The following CDKN2A variants were observed in gnomAD, a reference collection of about 807,000 sequenced individuals.
CDKN2A encodes cyclin dependent kinase inhibitor 2A.
CDKN2A carries 3 observed loss-of-function variants against 11.1 expected under a neutral mutation model. That is an observed-to-expected ratio of 0.27 (90% CI 0.12 to 0.70). The LOEUF is 0.70. Among genes scored for constraint, CDKN2A ranks in the 30% least tolerant of loss-of-function variants. CDKN2A has a pLI of 0.77. For synonymous variants in CDKN2A, 122 were observed against 108.1 expected (o/e 1.13, Z -0.80); for missense variants, 265 against 233.6 (o/e 1.13, Z -0.88).
Position 21,974,335 on chromosome 9 carries a change from C to T in CDKN2A, c.150+343G>A, listed in dbSNP as rs1372535548. 2 of 1,348,538 alleles carry T rather than the reference C, an allele frequency of 1.5e-6. No individual in the cohort carries two copies. Among genetic ancestry groups the T allele is most frequent in the Non-Finnish European group, 2.0e-6 (2 of 1,013,374 alleles). 83.5% of individuals were successfully genotyped at this position (1,348,538 alleles called of 1,614,324 possible). On this transcript the variant is annotated intron_variant, in intron 1 of 2. Coordinates refer to ENST00000304494, the MANE Select transcript of CDKN2A (RefSeq NM_000077.5). This position sits in a 1 kb window ranked among gnomAD's most constrained non-coding sequence, Gnocchi z 5.2. ...TGGAGGCTAAGTAGTCCCAGCACATCTTACATTTCTTTAAGACTCCCTTTT... is the reference window on the plus strand; with the variant it reads ...TGGAGGCTAAGTAGTCCCAGCACATTTTACATTTCTTTAAGACTCCCTTTT...
chr9:21,979,223 C>T (rs1820115907), upstream of CDKN2A, among the ~76,000 whole-genome samples: 1 of 152,120 alleles, frequency 6.6e-6, no homozygotes, highest in African/African-American at 2.4e-5. Context: ...TAGACTTATT[C>T]CTGAAAACCA....
chr9:21,971,670 C>T (rs921960670), intron 1 of CDKN2A, among the ~76,000 whole-genome samples: 3 of 144,700 alleles, frequency 2.1e-5, no homozygotes, highest in African/African-American at 7.9e-5. Context: ...AAAACAAATT[C>T]TCACAAAACT....
chr9:21,970,573 G>A (rs1819658392), intron 2 of CDKN2A: 10 of 564,182 alleles, frequency 1.8e-5, no homozygotes, highest in South Asian at 1.3e-4. Flanking sequence ...GGAAGAGGGG[G>A]CACTAGACCT....
intron 2 of CDKN2A, chr9:21,993,856 T>A: frequency 8.4e-6 from 4 of 475,982 alleles, no homozygotes; most frequent in African/African-American, 4.0e-5. Context: ...TCTTAGTCAT[T>A]CCCACCCAGG....
chr9:21,968,678 A>G lies in CDKN2A; in HGVS notation c.458-436T>C, dbSNP rs1019387802. ...GAGCCAGCCAGCTTGCGATAACCAA[A>G]GGGCGCCTCAGGCTCTGGCGCTCCT... On this transcript the variant is annotated intron_variant, in intron 2 of 2. Coordinates refer to ENST00000304494, the MANE Select transcript of CDKN2A (RefSeq NM_000077.5). This position sits in a 1 kb window ranked among gnomAD's most constrained non-coding sequence, Gnocchi z 4.7. 4.6e-6 allele frequency: 7 copies of G among 1,535,936 alleles called. No individual in the cohort carries two copies. Among genetic ancestry groups the G allele is most frequent in the Non-Finnish European group, 6.1e-6 (7 of 1,146,776 alleles).
chr9:21,984,699 A>G (rs1161672949), intron 2 of CDKN2A, among the ~76,000 whole-genome samples: 1 of 151,980 alleles, frequency 6.6e-6, no homozygotes, highest in Non-Finnish European at 1.5e-5. Flanking sequence ...TTTCACTGAT[A>G]GGTTTAACAC....
rs779983400 is a variant in CDKN2A, at chr9:21,969,757, CCTT to C, written c.457+1142_457+1144del. 72 of 398,110 alleles carry C rather than the reference CCTT, an allele frequency of 1.8e-4. 1 individual carries two copies. Among genetic ancestry groups the C allele is most frequent in the Non-Finnish European group, 2.8e-4 (64 of 226,016 alleles). The allele number at this position is 398,110 out of a possible 1,614,324, so 24.7% of individuals were successfully genotyped here. On this transcript the variant is annotated intron_variant, in intron 2 of 2. Transcript: ENST00000304494. ...CTAGCTGTAACTGGAGCCGAAGTCTCCTTCTTCACCTCCCGGGACCTGGATGCT... is the reference window on the plus strand; with the variant it reads ...CTAGCTGTAACTGGAGCCGAAGTCTCCTTCACCTCCCGGGACCTGGATGCT...
chr9:21,992,203 A>G, intron 2 of CDKN2A: 6 of 914,210 alleles, frequency 6.6e-6, no homozygotes, highest in Non-Finnish European at 7.8e-6. Context: ...AATTTTTAGC[A>G]CTTGTGCCTC....
upstream of CDKN2A, among the ~76,000 whole-genome samples, chr9:21,975,576 T>G (rs1820003171): frequency 6.6e-6 from 1 of 152,054 alleles, no homozygotes; most frequent in South Asian, 2.1e-4. Flanking sequence ...CCCCTCCCCT[T>G]CCCCTCCTGC....
rs1387974388 is a variant in CDKN2A at position 21,991,657 on chromosome 9, G to A, written c.-4+2225C>T. 1 of 984,372 alleles carries A rather than the reference G, an allele frequency of 1.0e-6. No individual in the cohort carries two copies. The highest frequency in any genetic ancestry group is 6.1e-5 in the Admixed American group (1 of 16,270). The allele number at this position is 984,372 out of a possible 1,614,324, so 61.0% of individuals were successfully genotyped here. A position where few individuals can be genotyped will look rare whatever the true frequency, so the allele number is the denominator to read the frequency against. ...TAACTCTATCATGGTAGTTGATAGT[G>A]ATGAACTAACGTGGAATAATAGATC... On this transcript the variant is annotated intron_variant, in intron 2 of 3. Coordinates refer to the CDKN2A transcript ENST00000494262. The surrounding 1 kb of genome is among the most constrained non-coding windows in gnomAD (Gnocchi z 5.2).
chr9:21,971,932 A>G (rs1457630071), intron 1 of CDKN2A, among the ~76,000 whole-genome samples: 1 of 152,118 alleles, frequency 6.6e-6, no homozygotes, highest in East Asian at 1.9e-4. Context: ...ATGCTATGAA[A>G]CACATCTCAA....
At chr9:21,970,368 T>A (rs538854757) in intron 2 of CDKN2A, 1 of 272,280 alleles carries the variant, frequency 3.7e-6, no homozygotes, top group African/African-American at 2.2e-5. Context: ...TGGAAAACTC[T>A]ACCGCATAAA....
At chr9:21,994,808 G>T in intron 1 of CDKN2A, 1 of 174,068 alleles carries the variant, frequency 5.7e-6, no homozygotes, top group Non-Finnish European at 1.2e-5. Context: ...TCCGTCACCT[G>T]ACACGGCCCT....
upstream of CDKN2A, among the ~76,000 whole-genome samples, chr9:21,978,339 AAAG>A (rs1424748243): frequency 6.6e-6 from 1 of 152,120 alleles, no homozygotes; most frequent in African/African-American, 2.4e-5. Context: ...TTTTTCTGTT[AAAG>A]AGCCCATTAT....
At chr9:21,976,969 T>G (rs1239481439), upstream of CDKN2A, among the ~76,000 whole-genome samples, 3 of 152,266 alleles carry the variant, frequency 2.0e-5, no homozygotes, top group African/African-American at 7.2e-5. Flanking sequence ...ATGCTTAATC[T>G]GCCTACTGGA....
At chr9:21,978,688 T>A (rs1476641321), upstream of CDKN2A, among the ~76,000 whole-genome samples, 1 of 152,226 alleles carries the variant, frequency 6.6e-6, no homozygotes, top group Non-Finnish European at 1.5e-5. Flanking sequence ...AATTTAAACC[T>A]GTCTTAATTC....
intron 2 of CDKN2A, among the ~76,000 whole-genome samples, chr9:21,986,154 A>G (rs1820292728): frequency 6.6e-6 from 1 of 152,080 alleles, no homozygotes; most frequent in Non-Finnish European, 1.5e-5. Flanking sequence ...ACAGCTAATA[A>G]GCAAAAGAAA....
rs1064795551 is a variant in CDKN2A, at chr9:21,994,217, C to T, written c.-175-164G>A. On this transcript the variant is annotated intron_variant, in intron 1 of 3. Transcript: ENST00000494262. ...AGCACGAGGGCCACAGCGGCGGGCG[C>T]CCCTGGCGCTGCCCACTCCCCCGTG... 3 of 1,605,612 alleles carry T rather than the reference C, an allele frequency of 1.9e-6. No homozygotes were observed. Among genetic ancestry groups the T allele is most frequent in the African/African-American group, 1.3e-5 (1 of 74,930 alleles).
At chr9:21,993,374 C>G (rs900039084) in intron 2 of CDKN2A, among the ~76,000 whole-genome samples, 1 of 152,206 alleles carries the variant, frequency 6.6e-6, no homozygotes, top group African/African-American at 2.4e-5. Flanking sequence ...CATTTTTAAA[C>G]TGTGCTAACT....
Sources: gnomAD v4.1 joint callset for allele counts (sites outside exome capture counted in the v4.1 genomes callset) on GRCh38, gnomAD v4.1.1 for gene constraint, Gnocchi (gnomAD v3.1) non-coding constraint, MANE v1.5 for transcripts, NCBI Gene and HGNC (gene_info 2026-07-23, HGNC 2026-07-21) for gene names.